The following XRCC4 variants were observed in gnomAD, a reference collection of about 807,000 sequenced individuals.
The protein encoded by XRCC4 is X-ray repair cross complementing 4.
Under a neutral mutation model 39.1 loss-of-function variants are expected in XRCC4, and 28 were observed. The ratio of observed to expected loss-of-function variants is 0.72; its 90% CI spans 0.53 to 0.98. The LOEUF is 0.98. XRCC4 is among the 50% of genes least tolerant of loss of function. The pLI is 0.00. For missense variants in XRCC4, 350 were observed against 376.4 expected, an observed-to-expected ratio of 0.93 and a Z score of 0.58; for synonymous variants, 123 against 126.4, an observed-to-expected ratio of 0.97 and a Z score of 0.18.
intron 4 of XRCC4, among the ~76,000 whole-genome samples, chr5:83,199,776 T>A (rs1028616567): frequency 3.0e-5 from 4 of 131,670 alleles, no homozygotes; most frequent in Non-Finnish European, 5.4e-5. Flanking sequence ...TTAAAAAAAA[T>A]TACTATTTTT....
chr5:83,265,641 T>A (rs2112916423), intron 7 of XRCC4, among the ~76,000 whole-genome samples: 1 of 152,228 alleles, frequency 6.6e-6, no homozygotes, highest in South Asian at 2.1e-4. Context: ...ACTTTAAGAG[T>A]ATGTTTGCCT....
chr5:83,314,880 A>T lies in XRCC4; in HGVS notation c.894-38251A>T, dbSNP rs138530446. ...TATTCCCTGACCCACAACAATATTG[A>T]TATTAGGCCAGTTAATACCCCTACA... is the stretch of plus-strand genomic sequence containing the variant. On this transcript the variant is annotated intron_variant, in intron 7 of 7. Coordinates refer to ENST00000396027, the MANE Select transcript of XRCC4 (RefSeq NM_003401.5). Among the ~76,000 whole-genome samples, 177 of 152,186 alleles carry T rather than the reference A, an allele frequency of 1.2e-3. 1 individual carries two copies. The highest frequency in any genetic ancestry group is 4.0e-3 in the African/African-American group (168 of 41,528).
intron 6 of XRCC4, among the ~76,000 whole-genome samples, chr5:83,211,846 A>G (rs1302533405): frequency 6.6e-6 from 1 of 152,226 alleles, no homozygotes; most frequent in African/African-American, 2.4e-5. Context: ...AAGTTAATAA[A>G]CAAACAAAAA....
chr5:83,079,831 G>A (rs1409720544), intron 1 of XRCC4, among the ~76,000 whole-genome samples: 2 of 152,146 alleles, frequency 1.3e-5, no homozygotes, highest in African/African-American at 2.4e-5. Context: ...ACCGCACCAC[G>A]TCTGGCCTGT....
chr5:83,309,705 A>G (rs1468726269), intron 7 of XRCC4, among the ~76,000 whole-genome samples: 1 of 134,496 alleles, frequency 7.4e-6, no homozygotes, highest in Admixed American at 8.6e-5. Flanking sequence ...CGGAGGTTGC[A>G]GTGATCGCGC....
chr5:83,274,020 T>G (rs531628010), intron 7 of XRCC4, among the ~76,000 whole-genome samples: 154 of 152,214 alleles, frequency 1.0e-3, no homozygotes, highest in Non-Finnish European at 1.9e-3. Flanking sequence ...GCAAGCTACT[T>G]AATGAGTCTA....
At chr5:83,101,282 A>G (rs1426215256) in intron 1 of XRCC4, among the ~76,000 whole-genome samples, 1 of 152,070 alleles carries the variant, frequency 6.6e-6, no homozygotes, top group African/African-American at 2.4e-5. Flanking sequence ...CGGTATAAGC[A>G]TCTTTTAATG....
At chr5:83,236,873 A>G (rs1241917827) in intron 6 of XRCC4, among the ~76,000 whole-genome samples, 1 of 152,130 alleles carries the variant, frequency 6.6e-6, no homozygotes, top group Non-Finnish European at 1.5e-5. Context: ...TAGGTGAAAA[A>G]AAAAAAAATC....
At chr5:83,311,878 G>A (rs1414993565) in intron 7 of XRCC4, among the ~76,000 whole-genome samples, 1 of 151,766 alleles carries the variant, frequency 6.6e-6, no homozygotes, top group Non-Finnish European at 1.5e-5. Flanking sequence ...AATTCATATA[G>A]CCTTTTAATA....
At chr5:83,316,795 G>A (rs1271312161) in intron 7 of XRCC4, among the ~76,000 whole-genome samples, 6 of 137,682 alleles carry the variant, frequency 4.4e-5, no homozygotes, top group Admixed American at 7.9e-5. Context: ...ACAGAACAAC[G>A]AGACAGAAAG....
chr5:83,200,235 A>G (rs1228210350), intron 4 of XRCC4, among the ~76,000 whole-genome samples: 1 of 152,188 alleles, frequency 6.6e-6, no homozygotes, highest in Non-Finnish European at 1.5e-5. Context: ...TGAAAAATTA[A>G]AAGTTAAGAG....
At chr5:83,246,348 C>A (rs1216397816) in intron 6 of XRCC4, among the ~76,000 whole-genome samples, 1 of 152,004 alleles carries the variant, frequency 6.6e-6, no homozygotes, top group Non-Finnish European at 1.5e-5. Flanking sequence ...ATTTTAAATG[C>A]CGACTCCAGT....
chr5:83,206,470 G>A (rs1325228274), intron 6 of XRCC4, among the ~76,000 whole-genome samples: 2 of 152,024 alleles, frequency 1.3e-5, no homozygotes, highest in African/African-American at 2.4e-5. Flanking sequence ...CAATACAAAC[G>A]TTATTAAGGA....
chr5:83,171,340 T>G (rs890938131), intron 3 of XRCC4, among the ~76,000 whole-genome samples: 2 of 152,178 alleles, frequency 1.3e-5, no homozygotes, highest in Non-Finnish European at 2.9e-5. Flanking sequence ...ATTATTCTCC[T>G]GCTTAAAAAT....
chr5:83,144,427 T>C (rs1184772974), intron 3 of XRCC4, among the ~76,000 whole-genome samples: 3 of 152,104 alleles, frequency 2.0e-5, no homozygotes, highest in African/African-American at 7.2e-5. Context: ...ACCTAATGAC[T>C]ATTTCTCAGA....
intron 7 of XRCC4, among the ~76,000 whole-genome samples, chr5:83,340,433 A>G (rs1245899401): frequency 6.6e-6 from 1 of 152,194 alleles, no homozygotes; most frequent in Admixed American, 6.5e-5. Context: ...ATTATCCTGG[A>G]TTATCCAGTT....
chr5:83,109,018 G>T (rs180749083), intron 2 of XRCC4, among the ~76,000 whole-genome samples: 1 of 151,608 alleles, frequency 6.6e-6, no homozygotes, highest in African/African-American at 2.4e-5. Context: ...TCCTTCCAAA[G>T]GTTGTGTGAC....
chr5:83,110,538 TC>T (rs1422250123), intron 2 of XRCC4, among the ~76,000 whole-genome samples: 6 of 152,012 alleles, frequency 3.9e-5, no homozygotes, highest in South Asian at 4.1e-4. Flanking sequence ...TCATCTCCTT[TC>T]ATCCATATTT....
intron 3 of XRCC4, among the ~76,000 whole-genome samples, chr5:83,119,798 C>T (rs1023990188): frequency 6.6e-6 from 1 of 151,738 alleles, no homozygotes. Flanking sequence ...ATAGTGGGAC[C>T]CTTCTCTCTA....
Sources: gnomAD v4.1 joint callset for allele counts (sites outside exome capture counted in the v4.1 genomes callset) on GRCh38, gnomAD v4.1.1 for gene constraint, MANE v1.5 for transcripts, NCBI Gene and HGNC (gene_info 2026-07-23, HGNC 2026-07-21) for gene names.